PKNOX2: variants seen among roughly 807,000 people sequenced by gnomAD.
PKNOX2 encodes the protein homeobox protein PKNOX2.
Under a neutral mutation model 53.1 loss-of-function variants are expected in PKNOX2, and 14 were observed. The ratio of observed to expected loss-of-function variants is 0.26; its 90% CI spans 0.17 to 0.41. The LOEUF (loss-of-function observed/expected upper bound fraction) is 0.41, where lower values mean the gene tolerates loss of function less well. Among genes scored for constraint, PKNOX2 ranks in the 10% least tolerant of loss-of-function variants. PKNOX2 has a pLI of 1.00. For missense variants in PKNOX2, 496 were observed against 602.8 expected, an observed-to-expected ratio of 0.82 and a Z score of 1.85; for synonymous variants, 257 against 242.8, an observed-to-expected ratio of 1.06 and a Z score of -0.54.
intron 1 of PKNOX2, among the ~76,000 whole-genome samples, chr11:125,205,375 G>A (rs946733465): frequency 6.6e-6 from 1 of 152,230 alleles, no homozygotes; most frequent in Non-Finnish European, 1.5e-5. Flanking sequence ...CCACAACCAT[G>A]TTCTTCATGC....
chr11:125,305,749 G>A (rs1948401577), intron 2 of PKNOX2, among the ~76,000 whole-genome samples: 1 of 152,170 alleles, frequency 6.6e-6, no homozygotes, highest in African/African-American at 2.4e-5. Flanking sequence ...GAGAGAAGAG[G>A]CAAACCGACT....
chr11:125,187,392 TA>T (rs1305638094), intron 1 of PKNOX2, among the ~76,000 whole-genome samples: 6 of 152,212 alleles, frequency 3.9e-5, no homozygotes, highest in Non-Finnish European at 8.8e-5. Context: ...CAATGTTTTG[TA>T]GTTTTCAGTA....
intron 4 of PKNOX2, among the ~76,000 whole-genome samples, chr11:125,354,133 C>T (rs576958077): frequency 6.6e-6 from 1 of 152,336 alleles, no homozygotes; most frequent in East Asian, 1.9e-4. Flanking sequence ...GGACCCCTGA[C>T]TTCTTCCCTT....
chr11:125,167,147 AG>A (rs1256581833), intron 1 of PKNOX2, among the ~76,000 whole-genome samples: 1 of 90,384 alleles, frequency 1.1e-5, no homozygotes, highest in Non-Finnish European at 2.1e-5. Context: ...GGTCCCGACC[AG>A]GGAGGTAGGT....
intron 2 of PKNOX2, among the ~76,000 whole-genome samples, chr11:125,327,081 A>G (rs1196805238): frequency 6.6e-6 from 1 of 152,186 alleles, no homozygotes; most frequent in Non-Finnish European, 1.5e-5. Flanking sequence ...TTGGTGTTTT[A>G]TGCTCCTGAG....
chr11:125,318,437 A>AGCTTTCTCACCTCTCTCC (rs1949335105), intron 2 of PKNOX2, among the ~76,000 whole-genome samples: 1 of 152,118 alleles, frequency 6.6e-6, no homozygotes, highest in Admixed American at 6.6e-5. Flanking sequence ...TTTCTTCTGC[A>AGCTTTCTCACCTCTCTCC]GCTTTCTCAC....
At chr11:125,265,375 T>G (rs1328780161) in intron 2 of PKNOX2, among the ~76,000 whole-genome samples, 1 of 152,068 alleles carries the variant, frequency 6.6e-6, no homozygotes, top group Non-Finnish European at 1.5e-5. Flanking sequence ...CAAGCTGATT[T>G]CCGATTCAAT....
At chr11:125,349,179 A>G (rs1951157958) in intron 3 of PKNOX2, among the ~76,000 whole-genome samples, 1 of 152,176 alleles carries the variant, frequency 6.6e-6, no homozygotes, top group Non-Finnish European at 1.5e-5. Flanking sequence ...TTAATATCTC[A>G]AAAGTCTTAA....
At chr11:125,410,421 C>T (rs11600767) in intron 8 of PKNOX2, 96 bp downstream of exon 8, 135,584 of 1,513,730 alleles carry the variant, frequency 0.09, 6,647 homozygotes, top group Non-Finnish European at 0.096. Flanking sequence ...TGTCCTCCAC[C>T]GAGGGAGGGG....
At chr11:125,220,043 GACAATGGAAT>G (rs1436569270) in intron 1 of PKNOX2, among the ~76,000 whole-genome samples, 1 of 152,020 alleles carries the variant, frequency 6.6e-6, no homozygotes, top group East Asian at 1.9e-4. Context: ...GGAATTTCCT[GACAATGGAAT>G]ACTATTCATT....
chr11:125,179,595 G>A (rs942479277), intron 1 of PKNOX2, among the ~76,000 whole-genome samples: 4 of 152,078 alleles, frequency 2.6e-5, no homozygotes, highest in Non-Finnish European at 4.4e-5. Flanking sequence ...GGTCAGGCGC[G>A]AGTCACTGAG....
chr11:125,396,018 A>T (rs1179209543), intron 6 of PKNOX2, among the ~76,000 whole-genome samples: 2 of 145,542 alleles, frequency 1.4e-5, no homozygotes, highest in Non-Finnish European at 3.0e-5. Flanking sequence ...CAGTGGCTCC[A>T]TCTCGGCTCA....
chr11:125,249,446 A>G (rs1429399268), intron 2 of PKNOX2, among the ~76,000 whole-genome samples: 1 of 152,182 alleles, frequency 6.6e-6, no homozygotes, highest in Non-Finnish European at 1.5e-5. Flanking sequence ...ATTTGGAGAA[A>G]AGAAAAAGGG....
chr11:125,178,152 G>A (rs1057511260), intron 1 of PKNOX2, among the ~76,000 whole-genome samples: 3 of 152,032 alleles, frequency 2.0e-5, no homozygotes, highest in Non-Finnish European at 4.4e-5. Context: ...TTATATATGG[G>A]GAAACTGAAG....
At chr11:125,371,158 G>A (rs559724191) in intron 5 of PKNOX2, among the ~76,000 whole-genome samples, 1 of 152,130 alleles carries the variant, frequency 6.6e-6, no homozygotes, top group African/African-American at 2.4e-5. Flanking sequence ...GCGTCATCTG[G>A]ACTAATCAGC....
chr11:125,271,367 T>G (rs1383307028), intron 2 of PKNOX2, among the ~76,000 whole-genome samples: 2 of 152,232 alleles, frequency 1.3e-5, no homozygotes, highest in Non-Finnish European at 2.9e-5. Context: ...TCATAATCTC[T>G]TTCCGGACAT....
intron 2 of PKNOX2, among the ~76,000 whole-genome samples, chr11:125,311,439 G>A (rs1282362209): frequency 1.3e-5 from 2 of 152,182 alleles, no homozygotes; most frequent in Admixed American, 6.5e-5. Context: ...AGACACACAA[G>A]TTGCTATAGC....
At chr11:125,224,865 GC>G in intron 1 of PKNOX2, among the ~76,000 whole-genome samples, 1 of 152,092 alleles carries the variant, frequency 6.6e-6, no homozygotes, top group Non-Finnish European at 1.5e-5. Context: ...ATTCAGGACC[GC>G]CCCCCGGAGG....
chr11:125,230,781 G>A (rs775978926), intron 1 of PKNOX2, among the ~76,000 whole-genome samples: 2 of 152,064 alleles, frequency 1.3e-5, no homozygotes, highest in African/African-American at 2.4e-5. Context: ...TATGTCCTAG[G>A]CATTGCACAA....
Sources: gnomAD v4.1 joint callset for allele counts (sites outside exome capture counted in the v4.1 genomes callset) on GRCh38, gnomAD v4.1.1 for gene constraint, MANE v1.5 for transcripts, NCBI Gene and HGNC (gene_info 2026-07-23, HGNC 2026-07-21) for gene names.